The following GNAZ variants were observed in gnomAD, a reference collection of about 807,000 sequenced individuals.
GNAZ encodes guanine nucleotide-binding protein G(z) subunit alpha.
Under a neutral mutation model 25.4 loss-of-function variants are expected in GNAZ, and 3 were observed. The ratio of observed to expected loss-of-function variants is 0.12; its 90% CI spans 0.05 to 0.30. The LOEUF is 0.30. GNAZ is among the 10% of genes least tolerant of loss of function. The pLI is 1.00. For missense variants in GNAZ, 241 were observed against 501.8 expected, an observed-to-expected ratio of 0.48 and a Z score of 4.97; for synonymous variants, 211 against 205.7, an observed-to-expected ratio of 1.03 and a Z score of -0.22.
At chr22:23,102,888 G>T (rs937133429) in intron 2 of GNAZ, among the ~76,000 whole-genome samples, 1 of 152,218 alleles carries the variant, frequency 6.6e-6, no homozygotes, top group Non-Finnish European at 1.5e-5. Context: ...AGATCTCTCA[G>T]ACAAGTGTTC....
intron 2 of GNAZ, chr22:23,122,806 A>C: frequency 2.0e-6 from 1 of 491,266 alleles, no homozygotes; most frequent in East Asian, 3.3e-5. Flanking sequence ...GTAGCCCCAA[A>C]GCTATATGTT....
intron 1 of GNAZ, among the ~76,000 whole-genome samples, chr22:23,086,857 G>C (rs1478554643): frequency 6.6e-6 from 1 of 152,218 alleles, no homozygotes; most frequent in Non-Finnish European, 1.5e-5. Context: ...AGGACACCTG[G>C]CTCCTCAGCA....
At chr22:23,122,763 C>T in intron 2 of GNAZ, 1 of 349,086 alleles carries the variant, frequency 2.9e-6, no homozygotes. Flanking sequence ...CTGGAGGTGC[C>T]CAGCGGTTTA....
Position 23,084,780 on chromosome 22 carries a change from G to A in GNAZ, c.-449-10467G>A, listed in dbSNP as rs138741091. On this transcript the variant is annotated intron_variant, in intron 1 of 2. Coordinates refer to ENST00000615612, the MANE Select transcript of GNAZ (RefSeq NM_002073.4). The stretch of plus-strand genomic sequence containing the variant: ...CAGTGGGGATGCCACAGACAGTGTC[G>A]TGCTGGGAAGGCAGGGAAGTCAGGT... Among the ~76,000 whole-genome samples the A allele has an allele frequency of 2.0e-4, 30 of 152,320 alleles. No homozygotes were observed. The East Asian group carries it at 3.9e-3, about 20-fold the overall frequency.
chr22:23,097,911 C>T (rs1224066049), intron 2 of GNAZ, among the ~76,000 whole-genome samples: 1 of 152,264 alleles, frequency 6.6e-6, no homozygotes, highest in Non-Finnish European at 1.5e-5. Context: ...ATTCCCCGGG[C>T]ACCAGGCCTG....
At chr22:23,080,697 C>T (rs1328407354) in intron 1 of GNAZ, among the ~76,000 whole-genome samples, 2 of 152,234 alleles carry the variant, frequency 1.3e-5, no homozygotes, top group Admixed American at 6.5e-5. Context: ...CACGGAGTCA[C>T]ATGTCCTCAA....
At chr22:23,108,832 A>G (rs1438711590) in intron 2 of GNAZ, among the ~76,000 whole-genome samples, 1 of 152,156 alleles carries the variant, frequency 6.6e-6, no homozygotes, top group African/African-American at 2.4e-5. Context: ...CCTGCTGGAG[A>G]GGTGGTGTCC....
intron 2 of GNAZ, among the ~76,000 whole-genome samples, chr22:23,119,324 T>A (rs1460820992): frequency 6.6e-6 from 1 of 152,242 alleles, no homozygotes; most frequent in Non-Finnish European, 1.5e-5. Context: ...CTGCAGTTGA[T>A]CTTTCAGACC....
intron 1 of GNAZ, among the ~76,000 whole-genome samples, chr22:23,089,763 C>CA (rs1382524959): frequency 6.6e-6 from 1 of 152,108 alleles, no homozygotes; most frequent in African/African-American, 2.4e-5. Flanking sequence ...AGCAAGCGGC[C>CA]CTCAGCAGAG....
At chr22:23,078,991 C>A (rs2068593339) in intron 1 of GNAZ, among the ~76,000 whole-genome samples, 1 of 152,182 alleles carries the variant, frequency 6.6e-6, no homozygotes, top group South Asian at 2.1e-4. Flanking sequence ...CCAACTATCC[C>A]CTCCGTGAGC....
intron 2 of GNAZ, among the ~76,000 whole-genome samples, chr22:23,105,559 G>C (rs1002915249): frequency 4.6e-5 from 7 of 152,228 alleles, no homozygotes; most frequent in South Asian, 4.1e-4. Flanking sequence ...GCTGAACAAA[G>C]CAAAGGCAAA....
intron 2 of GNAZ, among the ~76,000 whole-genome samples, chr22:23,110,782 G>A (rs1390931112): frequency 1.3e-5 from 2 of 152,220 alleles, no homozygotes; most frequent in East Asian, 3.9e-4. Flanking sequence ...GGAGGAAGCA[G>A]CTGGCCTGGG....
intron 1 of GNAZ, among the ~76,000 whole-genome samples, chr22:23,087,361 G>C (rs2068847857): frequency 6.6e-6 from 1 of 152,190 alleles, no homozygotes; most frequent in Admixed American, 6.5e-5. Flanking sequence ...AGCTACTCGA[G>C]GCTCAGGTGG....
intron 1 of GNAZ, among the ~76,000 whole-genome samples, chr22:23,081,781 C>G (rs1284886880): frequency 7.2e-6 from 1 of 139,686 alleles, no homozygotes. Context: ...GAGATCGTGC[C>G]ACTGCATTCC....
chr22:23,122,917 A>AG (rs964191508), intron 2 of GNAZ, among the ~76,000 whole-genome samples, 170 bp from the exon 3 acceptor site: 3 of 152,164 alleles, frequency 2.0e-5, no homozygotes, highest in African/African-American at 7.2e-5. Flanking sequence ...TTTCCGTGGG[A>AG]GGTGGGTGAA....
chr22:23,121,173 G>A (rs186063611), intron 2 of GNAZ, among the ~76,000 whole-genome samples: 47 of 152,332 alleles, frequency 3.1e-4, no homozygotes, highest in African/African-American at 1.1e-3. Context: ...CTGCAGAAAG[G>A]CCAGCACCCC....
At chr22:23,081,182 G>A (rs1295626328) in intron 1 of GNAZ, among the ~76,000 whole-genome samples, 2 of 152,202 alleles carry the variant, frequency 1.3e-5, no homozygotes, top group African/African-American at 4.8e-5. Context: ...GGGACAAGGA[G>A]TATAACAGCC....
intron 1 of GNAZ, among the ~76,000 whole-genome samples, chr22:23,073,527 A>G (rs1191489437): frequency 2.0e-5 from 3 of 152,106 alleles, no homozygotes; most frequent in Admixed American, 2.0e-4. Context: ...TCTGAACCTC[A>G]TTATCCTCAT....
At chr22:23,114,475 C>A (rs1419593455) in intron 2 of GNAZ, among the ~76,000 whole-genome samples, 1 of 152,200 alleles carries the variant, frequency 6.6e-6, no homozygotes, top group Non-Finnish European at 1.5e-5. Flanking sequence ...CCCTTCCCCT[C>A]AGCCCCCAGA....
Sources: allele counts gnomAD v4.1 joint callset (sites outside exome capture counted in the v4.1 genomes callset), GRCh38; gene constraint gnomAD v4.1.1; transcripts MANE v1.5; gene names NCBI Gene and HGNC (gene_info 2026-07-23, HGNC 2026-07-21).